PSMA8: variants seen among roughly 807,000 people sequenced by gnomAD.
PSMA8 encodes proteasome 20S subunit alpha 8.
In PSMA8, 18 loss-of-function variants were observed where a neutral mutation model predicts 32.4. The ratio of observed to expected loss-of-function variants is 0.56; its 90% confidence interval spans 0.38 to 0.82. The LOEUF is 0.82. Ranked by LOEUF, PSMA8 falls within the 40% of genes least tolerant of loss-of-function variation. PSMA8 has a pLI of 0.00. For missense variants in PSMA8, 298 were observed against 300.7 expected, an observed-to-expected ratio of 0.99 and a Z score of 0.07; for synonymous variants, 104 against 98.1, an observed-to-expected ratio of 1.06 and a Z score of -0.36.
chr18:26,191,014 A>C (rs1293308272), intron 6 of PSMA8, among the ~76,000 whole-genome samples: 1 of 152,246 alleles, frequency 6.6e-6, no homozygotes. Context: ...ATTATTGACA[A>C]ATACAGATTT....
At chr18:26,145,508 A>G (rs8097806) in intron 2 of PSMA8, among the ~76,000 whole-genome samples, 38,924 of 152,046 alleles carry the variant, frequency 0.26, 8,811 homozygotes, top group African/African-American at 0.61. Context: ...TCACCACAAG[A>G]CTACCTCATG....
chr18:26,185,839 CTTAT>C (rs747289767), intron 6 of PSMA8, among the ~76,000 whole-genome samples: 37 of 150,670 alleles, frequency 2.5e-4, no homozygotes, highest in Admixed American at 1.3e-3. Flanking sequence ...TCTTGAATAA[CTTAT>C]TTGTTTTCAT....
intron 6 of PSMA8, among the ~76,000 whole-genome samples, chr18:26,189,943 C>A (rs931776732): frequency 6.6e-6 from 1 of 152,152 alleles, no homozygotes; most frequent in African/African-American, 2.4e-5. Context: ...TACTTACACA[C>A]AATGAAGTAC....
At chr18:26,146,975 T>C (rs1568056060) in intron 2 of PSMA8, among the ~76,000 whole-genome samples, 1 of 152,018 alleles carries the variant, frequency 6.6e-6, no homozygotes, top group East Asian at 1.9e-4. Flanking sequence ...ACATCTCACA[T>C]GGCCAGAGCA....
chr18:26,139,522 G>A (rs2054937818), intron 1 of PSMA8, among the ~76,000 whole-genome samples: 1 of 152,174 alleles, frequency 6.6e-6, no homozygotes, highest in African/African-American at 2.4e-5. Context: ...GTACATGTTT[G>A]AAATTTAAGA....
rs1470904951 is a variant in PSMA8, at chr18:26,133,928, G to T, written c.-38G>T. 6.4e-7 allele frequency: 1 copy of T among 1,556,398 alleles called. No individual in the cohort carries two copies. Among genetic ancestry groups the T allele is most frequent in the Admixed American group, 1.7e-5 (1 of 59,580 alleles). ...CTCCCCGCTTGCCTCAGCTGCAGCA[G>T]CGGGAAGCTCGGTGGCAAGCCCTTG... On this transcript the variant is annotated 5_prime_UTR_variant, in exon 1 of 7. Transcript: ENST00000415576.
chr18:26,191,519 C>A (rs2055402310), intron 6 of PSMA8, among the ~76,000 whole-genome samples: 1 of 152,094 alleles, frequency 6.6e-6, no homozygotes, highest in African/African-American at 2.4e-5. Flanking sequence ...GGCGTGGTAG[C>A]ACACACCTGT....
At chr18:26,190,689 C>T (rs1209539141) in intron 6 of PSMA8, among the ~76,000 whole-genome samples, 1 of 152,206 alleles carries the variant, frequency 6.6e-6, no homozygotes, top group Non-Finnish European at 1.5e-5. Flanking sequence ...GCAGAGGTTG[C>T]AGTGAGCTGT....
At chr18:26,143,928 G>C (rs945775342) in intron 1 of PSMA8, among the ~76,000 whole-genome samples, 8 of 152,182 alleles carry the variant, frequency 5.3e-5, no homozygotes, top group South Asian at 2.1e-4. Context: ...CACCATGTTG[G>C]CCAGGCTGGT....
rs1366533071 is a variant in PSMA8, at chr18:26,192,322, T to C, written c.664T>C (p.Phe222Leu). 6.6e-7 allele frequency: 1 copy of C among 1,504,564 alleles called. No homozygotes were observed. Among genetic ancestry groups the C allele is most frequent in the Non-Finnish European group, 8.8e-7 (1 of 1,137,584 alleles). 93.2% of individuals were successfully genotyped at this position (1,504,564 alleles called of 1,614,324 possible). The change falls in exon 7 of 7, where the codon TTT becomes CTT. Residue 222 changes from phenylalanine to leucine, a missense_variant. Coordinates refer to ENST00000415576, the MANE Select transcript of PSMA8 (RefSeq NM_001025096.2). ...IIRRNQPLKM[F>L]SAKEVELYVT... ...TTAAATTTTTTTCTCTTTTCAGATG[T>C]TTAGTGCAAAAGAAGTTGAATTATA... is the stretch of plus-strand genomic sequence containing the variant.
chr18:26,175,195 G>A (rs1222945316), intron 4 of PSMA8, among the ~76,000 whole-genome samples: 1 of 152,132 alleles, frequency 6.6e-6, no homozygotes, highest in African/African-American at 2.4e-5. Flanking sequence ...GATTTACTCT[G>A]GAAGTTAGCA....
At chr18:26,153,014 A>G (rs1465371233) in intron 3 of PSMA8, among the ~76,000 whole-genome samples, 1 of 152,204 alleles carries the variant, frequency 6.6e-6, no homozygotes, top group East Asian at 1.9e-4. Context: ...AGCAGCACAA[A>G]ATGGACTAAA....
chr18:26,153,324 T>C (rs902382523), intron 3 of PSMA8, among the ~76,000 whole-genome samples: 5 of 152,154 alleles, frequency 3.3e-5, no homozygotes, highest in Non-Finnish European at 5.9e-5. Flanking sequence ...TTTTTATTTT[T>C]GGAATTATAT....
intron 2 of PSMA8, among the ~76,000 whole-genome samples, chr18:26,145,273 C>G (rs768121978): frequency 6.6e-6 from 1 of 152,142 alleles, no homozygotes; most frequent in Non-Finnish European, 1.5e-5. Flanking sequence ...CATGCATCAC[C>G]ACACCCGGCT....
At position 26,151,954 on chromosome 18, in the gene PSMA8, TA is replaced by T; in HGVS notation, c.328del (p.Thr110LeufsTer4). On this transcript the variant is annotated frameshift_variant, in exon 3 of 7. Coordinates refer to ENST00000415576, the MANE Select transcript of PSMA8 (RefSeq NM_001025096.2). LOFTEE classifies it high-confidence loss of function. The stretch of plus-strand genomic sequence containing the variant: ...GAGGACCCAGTCACTGTAGAATACA[TA>T]ACTCGCTTCATAGCAACTTTAAAGC... The part of the protein sequence containing the change: ...TVEDPVTVEY[I>X]TRFIATLKQK... 1 of 1,605,124 alleles carries T rather than the reference TA, an allele frequency of 6.2e-7. No individual in the cohort carries two copies. Among genetic ancestry groups the T allele is most frequent in the Admixed American group, 1.7e-5 (1 of 57,166 alleles).
At chr18:26,139,354 G>A (rs2054936199) in intron 1 of PSMA8, among the ~76,000 whole-genome samples, 1 of 152,144 alleles carries the variant, frequency 6.6e-6, no homozygotes, top group Admixed American at 6.5e-5. Flanking sequence ...CAACAACAAT[G>A]CGAGTGAGCT....
chr18:26,148,778 A>G (rs976209167), intron 2 of PSMA8, among the ~76,000 whole-genome samples: 11 of 152,342 alleles, frequency 7.2e-5, no homozygotes, highest in Non-Finnish European at 1.5e-4. Context: ...TCCACCAAAA[A>G]TGTTACAAAT....
chr18:26,179,064 T>G lies in PSMA8; in HGVS notation c.598-4T>G. On this transcript the variant is annotated splice_polypyrimidine_tract_variant and splice_region_variant and intron_variant, in intron 5 of 6. Coordinates refer to ENST00000415576, the MANE Select transcript of PSMA8 (RefSeq NM_001025096.2). ...ATTCTAATAGTGTACTTGTTCTACATTAGGTTGTCCAGTCTGGTGGAAAAA... is the reference window on the plus strand; with the variant it reads ...ATTCTAATAGTGTACTTGTTCTACAGTAGGTTGTCCAGTCTGGTGGAAAAA... 1 of 1,612,916 alleles carries G rather than the reference T, an allele frequency of 6.2e-7. No individual in the cohort carries two copies. Among genetic ancestry groups the G allele is most frequent in the African/African-American group, 1.3e-5 (1 of 75,026 alleles).
intron 1 of PSMA8, among the ~76,000 whole-genome samples, chr18:26,135,481 T>G: frequency 6.6e-6 from 1 of 152,060 alleles, no homozygotes; most frequent in Non-Finnish European, 1.5e-5. Context: ...AGAAGAAGAA[T>G]CGTTTTAAAA....
Sources: gnomAD v4.1 joint callset for allele counts (sites outside exome capture counted in the v4.1 genomes callset) on GRCh38, gnomAD v4.1.1 for gene constraint, MANE v1.5 for transcripts, NCBI Gene and HGNC (gene_info 2026-07-23, HGNC 2026-07-21) for gene names.